FLI1: variants seen among roughly 807,000 people sequenced by gnomAD.
FLI1 encodes Fli-1 proto-oncogene, ETS transcription factor.
In FLI1, 13 loss-of-function variants were observed where a neutral mutation model predicts 53.1. The observed-to-expected ratio is 0.24, with a 90% confidence interval of 0.16 to 0.39. The LOEUF (loss-of-function observed/expected upper bound fraction) is 0.39, where lower values mean the gene tolerates loss of function less well. FLI1 is among the 10% of genes least tolerant of loss of function. The pLI is 1.00. For synonymous variants in FLI1, 244 were observed against 236.7 expected (o/e 1.03, Z -0.28); for missense variants, 424 against 600.5 (o/e 0.71, Z 3.07).
Position 128,780,531 on chromosome 11 carries a change from G to A in FLI1, c.590-1427G>A, listed in dbSNP as rs576885213. Among the ~76,000 whole-genome samples the A allele has an allele frequency of 1.9e-3, 292 of 152,334 alleles. 3 individuals are homozygous for A. Among genetic ancestry groups the A allele is most frequent in the African/African-American group, 6.6e-3 (275 of 41,568 alleles). ...AATCACTTGAATCTGCGAGGCGGAG[G>A]TTGCAGTGAACTGAGATCGCGCCAT... On this transcript the variant is annotated intron_variant, in intron 4 of 8. Transcript: ENST00000527786.
At chr11:128,805,117 C>A in intron 5 of FLI1, 1 of 383,930 alleles carries the variant, frequency 2.6e-6, no homozygotes, top group Non-Finnish European at 4.6e-6. Flanking sequence ...AGAACTTGAA[C>A]CAATCCTCTG....
At chr11:128,741,168 C>T (rs1010064054) in intron 1 of FLI1, among the ~76,000 whole-genome samples, 23 of 151,960 alleles carry the variant, frequency 1.5e-4, no homozygotes, top group Non-Finnish European at 2.6e-4. Context: ...CTGAGGCGGG[C>T]GGATCACTTG....
intron 1 of FLI1, among the ~76,000 whole-genome samples, chr11:128,688,381 T>C (rs1937618654): frequency 6.6e-6 from 1 of 152,234 alleles, no homozygotes; most frequent in Admixed American, 6.5e-5. Flanking sequence ...AAAGTTTGTA[T>C]TGTTGCACAA....
rs1942967191 is a variant in FLI1, at chr11:128,812,867, A to G, written c.*1879A>G. 5.5e-6 allele frequency: 1 copy of G among 182,440 alleles called. No homozygotes were observed. Among genetic ancestry groups the G allele is most frequent in the South Asian group, 2.1e-4 (1 of 4,826 alleles). The allele number at this position is 182,440 out of a possible 1,614,324, so 11.3% of individuals were successfully genotyped here. A position where few individuals can be genotyped will look rare whatever the true frequency, so the allele number is the denominator to read the frequency against. ...ATTTTTAAGGTCATTTTTCTTCCCA[A>G]GGAAGAAACTTGCCTCCAGTTCCTT... On this transcript the variant is annotated 3_prime_UTR_variant, in exon 9 of 9. Transcript: ENST00000527786.
chr11:128,734,562 C>T (rs989045055), intron 1 of FLI1, among the ~76,000 whole-genome samples: 2 of 152,182 alleles, frequency 1.3e-5, no homozygotes, highest in East Asian at 1.9e-4. Flanking sequence ...TTGTGACCCG[C>T]GCTGCCTGCA....
intron 1 of FLI1, among the ~76,000 whole-genome samples, chr11:128,716,300 G>A (rs1939010180): frequency 6.6e-6 from 1 of 152,142 alleles, no homozygotes; most frequent in Admixed American, 6.5e-5. Flanking sequence ...TTTATGGAGT[G>A]CAAAATAAAC....
Position 128,807,206 on chromosome 11 carries a change from A to G in FLI1, c.748A>G (p.Ile250Val). 1 of 1,600,720 alleles carries G rather than the reference A, an allele frequency of 6.2e-7. No homozygotes were observed. The change falls in exon 7 of 9, where the codon ATC (isoleucine) becomes GTC (valine). Residue 250 changes from isoleucine to valine, a missense_variant. By Grantham distance (29) the Ile-to-Val change is conservative (BLOSUM62 3). Transcript: ENST00000527786. ...TCCTCCCCTTGGAGGGGCACAAACG[A>G]TCAGTAAGAATACAGAGCAACGGCC... is the stretch of plus-strand genomic sequence containing the variant. Reference protein sequence around the residue: ...KSPPLGGAQTISKNTEQRPQP... With the variant: ...KSPPLGGAQTVSKNTEQRPQP...
chr11:128,808,558 CAG>C (rs1942850949), intron 7 of FLI1, among the ~76,000 whole-genome samples: 1 of 152,150 alleles, frequency 6.6e-6, no homozygotes, highest in Admixed American at 6.5e-5. Context: ...TTTCAAATCA[CAG>C]AGTGTTATAC....
intron 2 of FLI1, 54 bp downstream of exon 2, chr11:128,758,380 TGCA>T: frequency 6.8e-7 from 1 of 1,469,540 alleles, no homozygotes; most frequent in South Asian, 1.2e-5. Flanking sequence ...TCGCCAGATC[TGCA>T]GCAAGTGGCT....
At chr11:128,768,377 C>A (rs771413730) in intron 3 of FLI1, 105 bp downstream of exon 3, 15 of 1,427,438 alleles carry the variant, frequency 1.1e-5, no homozygotes, top group Non-Finnish European at 1.4e-5. Flanking sequence ...TGTGGAATTG[C>A]AAAATGGAGA....
In FLI1 at chr11:128,736,635, A is replaced by G. The variant is rs1273799349; in HGVS notation, c.19-21480A>G. Reference sequence around the variant, plus strand: ...AAGCCTAAGCTGACAGTGGACCAATAACTGCATTGTTTATTGGTTTCCCAA... The same window carrying G: ...AAGCCTAAGCTGACAGTGGACCAATGACTGCATTGTTTATTGGTTTCCCAA... On this transcript the variant is annotated intron_variant, in intron 1 of 8. Coordinates refer to ENST00000527786, the MANE Select transcript of FLI1 (RefSeq NM_002017.5). Among the ~76,000 whole-genome samples the G allele has an allele frequency of 2.0e-5, 3 of 152,224 alleles. No individual in the cohort carries two copies. The East Asian group carries it at 5.8e-4, about 29-fold the overall frequency.
chr11:128,768,104 T>C lies in FLI1; in HGVS notation c.231-14T>C, dbSNP rs1308282459. Reference sequence around the variant, plus strand: ...GTGCTGACCGCCTCTGGGCTTTGTCTCTTCTCACTTTAGGGAGTCTCCGGT... The same window carrying C: ...GTGCTGACCGCCTCTGGGCTTTGTCCCTTCTCACTTTAGGGAGTCTCCGGT... On this transcript the variant is annotated splice_polypyrimidine_tract_variant and intron_variant, in intron 2 of 8. Coordinates refer to ENST00000527786, the MANE Select transcript of FLI1 (RefSeq NM_002017.5). 6.2e-7 allele frequency: 1 copy of C among 1,601,818 alleles called. No homozygotes were observed. Among genetic ancestry groups the C allele is most frequent in the Non-Finnish European group, 8.5e-7 (1 of 1,172,172 alleles).
chr11:128,770,466 G>A lies in FLI1; in HGVS notation c.385+2194G>A, dbSNP rs541884684. 4.6e-5 allele frequency among the ~76,000 whole-genome samples: 7 copies of A among 152,322 alleles called. No individual in the cohort carries two copies. The South Asian group carries it at 1.4e-3, about 32-fold the overall frequency. On this transcript the variant is annotated intron_variant, in intron 3 of 8. Transcript: ENST00000527786. ...AATTTATGATGGGATTTAAAGACAAGTATAAATGTGGGCCCTAGTTAATCA... is the reference window on the plus strand; with the variant it reads ...AATTTATGATGGGATTTAAAGACAAATATAAATGTGGGCCCTAGTTAATCA...
Position 128,694,124 on chromosome 11 carries a change from G to A in FLI1, c.-135G>A, listed in dbSNP as rs1474123987. On this transcript the variant is annotated 5_prime_UTR_variant, in exon 1 of 9. Transcript: ENST00000527786. Reference sequence around the variant, plus strand: ...GTGCACAGGGGAGTGAGGGCAGGGCGCTCGCAGGGGGCACGCAGGGAGGGC... The same window carrying A: ...GTGCACAGGGGAGTGAGGGCAGGGCACTCGCAGGGGGCACGCAGGGAGGGC... 3 of 837,178 alleles carry A rather than the reference G, an allele frequency of 3.6e-6. No homozygotes were observed. The highest frequency in any genetic ancestry group is 2.2e-5 in the South Asian group (1 of 45,054). The allele number at this position is 837,178 out of a possible 1,614,324, so 51.9% of individuals were successfully genotyped here.
intron 5 of FLI1, among the ~76,000 whole-genome samples, chr11:128,786,207 G>A (rs1371659554): frequency 6.6e-6 from 1 of 152,134 alleles, no homozygotes; most frequent in African/African-American, 2.4e-5. Flanking sequence ...ACAAACTAGA[G>A]AGAAATGAGG....
rs574828243 is a variant in FLI1, at chr11:128,768,126, C to T, written c.239C>T (p.Pro80Leu). ...YDHMNGSRES[P>L]VDCSVSKCSK... ...GTCTCTTCTCACTTTAGGGAGTCTCCGGTGGACTGCAGCGTTAGCAAATGC... is the reference window on the plus strand; with the variant it reads ...GTCTCTTCTCACTTTAGGGAGTCTCTGGTGGACTGCAGCGTTAGCAAATGC... The change falls in exon 3 of 9, where the codon CCG (proline) becomes CTG (leucine). Residue 80 changes from proline (P) to leucine (L), a missense_variant. This residue lies in a region of FLI1 where 137 missense variants were observed against 169.1 expected (regional missense o/e 0.81). Coordinates refer to ENST00000527786, the MANE Select transcript of FLI1 (RefSeq NM_002017.5). The T allele has an allele frequency of 3.9e-5, 63 of 1,611,982 alleles. No individual in the cohort carries two copies. The highest frequency in any genetic ancestry group is 2.0e-4 in the East Asian group (9 of 44,806).
Position 128,807,250 on chromosome 11 carries a change from A to C in FLI1, c.781+11A>C, listed in dbSNP as rs942543794. The C allele has an allele frequency of 3.1e-6, 5 of 1,592,440 alleles. No individual in the cohort carries two copies. In the African/African-American group the frequency reaches 6.7e-5, roughly 21 times the overall value. ...AACGGCCCCAGCCAGGTACCTGCCCAGGATATGTAATCTCTCCTTTGCTTC... is the reference window on the plus strand; with the variant it reads ...AACGGCCCCAGCCAGGTACCTGCCCCGGATATGTAATCTCTCCTTTGCTTC... On this transcript the variant is annotated intron_variant, in intron 7 of 8. Coordinates refer to ENST00000527786, the MANE Select transcript of FLI1 (RefSeq NM_002017.5).
At chr11:128,698,433 C>T (rs1938180448) in intron 1 of FLI1, among the ~76,000 whole-genome samples, 1 of 152,166 alleles carries the variant, frequency 6.6e-6, no homozygotes, top group Non-Finnish European at 1.5e-5. Flanking sequence ...CCTTCCAGTT[C>T]CACTGCCATC....
intron 3 of FLI1, chr11:128,768,514 A>G (rs1242118933): frequency 7.7e-5 from 28 of 362,010 alleles, no homozygotes; most frequent in Non-Finnish European, 1.4e-5. Flanking sequence ...CCTCATCTCT[A>G]CTAAAAAAAA....
Sources: gnomAD v4.1 joint callset for allele counts (sites outside exome capture counted in the v4.1 genomes callset) on GRCh38, gnomAD v4.1.1 for gene constraint, gnomAD v4.1.1 regional missense constraint, MANE v1.5 for transcripts, NCBI Gene and HGNC (gene_info 2026-07-23, HGNC 2026-07-21) for gene names.